BMPER: variants seen among roughly 807,000 people sequenced by gnomAD.
BMPER encodes BMP binding endothelial regulator.
BMPER carries 45 observed loss-of-function variants against 87.3 expected under a neutral mutation model. The observed-to-expected ratio is 0.52, with a 90% confidence interval of 0.41 to 0.66. BMPER has a LOEUF of 0.66. Ranked by LOEUF, BMPER falls within the 30% of genes least tolerant of loss-of-function variation. The pLI is 0.00. For missense variants in BMPER, 784 were observed against 867.5 expected, an observed-to-expected ratio of 0.90 and a Z score of 1.21; for synonymous variants, 326 against 316.2, an observed-to-expected ratio of 1.03 and a Z score of -0.33.
rs376796444 is a variant in BMPER at position 34,049,949 on chromosome 7, G to A, written c.677-1912G>A. ...TATTATAATGTCCTAAAACTAAGGT[G>A]CAATTAGACAGAAGTGATTATAATG... On this transcript the variant is annotated intron_variant, in intron 7 of 14. Transcript: ENST00000649409. 7.4e-4 allele frequency among the ~76,000 whole-genome samples: 112 copies of A among 152,232 alleles called. No homozygotes were observed. The South Asian group carries it at 0.014, about 19-fold the overall frequency.
At chr7:34,013,753 G>A (rs1027716376) in intron 6 of BMPER, among the ~76,000 whole-genome samples, 7 of 151,724 alleles carry the variant, frequency 4.6e-5, no homozygotes. Flanking sequence ...TTTGATTTGT[G>A]GGTTCAGATG....
intron 6 of BMPER, among the ~76,000 whole-genome samples, chr7:33,990,621 T>A (rs1786181777): frequency 6.6e-6 from 1 of 151,780 alleles, no homozygotes; most frequent in Non-Finnish European, 1.5e-5. Flanking sequence ...TTCTCCTGAC[T>A]AATTGCCCTG....
chr7:33,991,316 G>C (rs949169958), intron 6 of BMPER, among the ~76,000 whole-genome samples: 7 of 151,952 alleles, frequency 4.6e-5, no homozygotes, highest in African/African-American at 1.7e-4. Context: ...TCTATTCAGA[G>C]ATTCAACTTC....
At chr7:34,079,743 A>G (rs747732970) in intron 12 of BMPER, among the ~76,000 whole-genome samples, 46 of 152,212 alleles carry the variant, frequency 3.0e-4, no homozygotes, top group Non-Finnish European at 1.5e-4. Context: ...AGACTCTGGT[A>G]TGCAGGAGTA....
At chr7:34,011,583 C>CAAA (rs36022297) in intron 6 of BMPER, among the ~76,000 whole-genome samples, 14 of 45,748 alleles carry the variant, frequency 3.1e-4, no homozygotes, top group South Asian at 1.1e-3. Context: ...TTGGTCAGGG[C>CAAA]AAAAAAAAAA....
Position 33,921,061 on chromosome 7 carries a change from G to C in BMPER, c.219+14158G>C, listed in dbSNP as rs371860844. Among the ~76,000 whole-genome samples the C allele has an allele frequency of 2.3e-3, 346 of 152,238 alleles. 1 individual carries two copies. Among genetic ancestry groups the C allele is most frequent in the African/African-American group, 7.3e-3 (303 of 41,530 alleles). On this transcript the variant is annotated intron_variant, in intron 2 of 14. Transcript: ENST00000649409. ...TCACCCAATCAGAATGAACTCACTTGTTCCTTGAAGACTTTATATTGGTTA... is the reference window on the plus strand; with the variant it reads ...TCACCCAATCAGAATGAACTCACTTCTTCCTTGAAGACTTTATATTGGTTA...
chr7:34,018,674 C>A (rs771955490), intron 6 of BMPER, among the ~76,000 whole-genome samples: 2 of 151,882 alleles, frequency 1.3e-5, no homozygotes, highest in Non-Finnish European at 2.9e-5. Flanking sequence ...GCTTTTCTGC[C>A]TTGACTTTAT....
At chr7:33,930,791 TA>T (rs951837462) in intron 2 of BMPER, among the ~76,000 whole-genome samples, 3 of 151,948 alleles carry the variant, frequency 2.0e-5, no homozygotes, top group African/African-American at 7.3e-5. Flanking sequence ...AAAATAAAAA[TA>T]AAAATAAATT....
At chr7:33,959,028 T>C (rs1247065784) in intron 3 of BMPER, among the ~76,000 whole-genome samples, 1 of 152,176 alleles carries the variant, frequency 6.6e-6, no homozygotes, top group Non-Finnish European at 1.5e-5. Context: ...CCTGCCGCCA[T>C]GTGAGAAGTC....
At chr7:34,125,089 C>T (rs1157460740) in intron 13 of BMPER, among the ~76,000 whole-genome samples, 2 of 151,578 alleles carry the variant, frequency 1.3e-5, no homozygotes, top group African/African-American at 4.8e-5. Context: ...TATTTTTGCC[C>T]TTATATTTGT....
chr7:34,019,938 T>A (rs1447933336), intron 6 of BMPER, among the ~76,000 whole-genome samples: 3 of 151,138 alleles, frequency 2.0e-5, no homozygotes, highest in Non-Finnish European at 3.0e-5. Context: ...TCTGTAAGGT[T>A]TTTTTAGAAG....
chr7:33,969,832 C>T (rs777163226), intron 4 of BMPER, among the ~76,000 whole-genome samples: 57 of 152,190 alleles, frequency 3.7e-4, no homozygotes, highest in Admixed American at 2.4e-3. Context: ...GGCAGAGTGA[C>T]ATTTCTAAGA....
At chr7:34,027,724 A>T (rs1225292012) in intron 6 of BMPER, among the ~76,000 whole-genome samples, 1 of 152,066 alleles carries the variant, frequency 6.6e-6, no homozygotes, top group African/African-American at 2.4e-5. Context: ...TTCAAGGAAA[A>T]CAAGTGGCAG....
intron 13 of BMPER, among the ~76,000 whole-genome samples, chr7:34,093,331 G>A (rs141590234): frequency 1.1e-3 from 175 of 152,274 alleles, no homozygotes; most frequent in African/African-American, 3.9e-3. Context: ...GAACCCGATC[G>A]CATGCCACCT....
intron 6 of BMPER, among the ~76,000 whole-genome samples, chr7:34,012,572 T>G (rs1168569475): frequency 6.6e-6 from 1 of 151,836 alleles, no homozygotes; most frequent in Non-Finnish European, 1.5e-5. Flanking sequence ...CCAGACACAA[T>G]TTTTTTCTAT....
At chr7:34,057,847 C>T (rs962155767) in intron 9 of BMPER, among the ~76,000 whole-genome samples, 4 of 152,024 alleles carry the variant, frequency 2.6e-5, no homozygotes, top group Admixed American at 2.6e-4. Flanking sequence ...CACACACACA[C>T]ACACACACAC....
intron 13 of BMPER, among the ~76,000 whole-genome samples, chr7:34,132,882 C>G (rs1790629929): frequency 6.6e-6 from 1 of 152,160 alleles, no homozygotes; most frequent in Non-Finnish European, 1.5e-5. Context: ...CCACCTCAGA[C>G]TTGGTAGATG....
intron 13 of BMPER, among the ~76,000 whole-genome samples, chr7:34,142,383 A>G (rs1790897809): frequency 6.6e-6 from 1 of 152,242 alleles, no homozygotes; most frequent in Non-Finnish European, 1.5e-5. Flanking sequence ...CTTGTTTACC[A>G]TCCAGTGACA....
chr7:33,964,539 C>T (rs760900531), intron 3 of BMPER, among the ~76,000 whole-genome samples: 2 of 152,178 alleles, frequency 1.3e-5, no homozygotes, highest in Non-Finnish European at 2.9e-5. Flanking sequence ...ACAAGGCTTC[C>T]CACTGACAGT....
Sources: gnomAD v4.1 joint callset for allele counts (sites outside exome capture counted in the v4.1 genomes callset) on GRCh38, gnomAD v4.1.1 for gene constraint, MANE v1.5 for transcripts, NCBI Gene and HGNC (gene_info 2026-07-23, HGNC 2026-07-21) for gene names.